Variants in HSBP1L1 observed in about 807,000 individuals in gnomAD.
The protein encoded by HSBP1L1 is heat shock factor binding protein 1 like 1.
HSBP1L1 carries 8 observed loss-of-function variants against 9.7 expected under a neutral mutation model. That is an observed-to-expected ratio of 0.82 (90% CI 0.48 to 1.48). The LOEUF (loss-of-function observed/expected upper bound fraction) is 1.48, where lower values mean the gene tolerates loss of function less well. HSBP1L1 is among the 40% of genes most tolerant of loss of function. The pLI is 0.00. For synonymous variants in HSBP1L1, 39 were observed against 34.4 expected (o/e 1.13, Z -0.46); for missense variants, 106 against 95.8 (o/e 1.11, Z -0.44).
Position 79,964,696 on chromosome 18 carries a change from C to T in HSBP1L1, c.-40C>T, listed in dbSNP as rs986781782. On this transcript the variant is annotated 5_prime_UTR_variant, in exon 1 of 4. Transcript: ENST00000451882. ...CCACCTCGCGCCGGGTCCGCGCGGC[C>T]CACGGGACCCCCCACTGACGCCCCC... The T allele has an allele frequency of 5.4e-6, 7 of 1,296,938 alleles. No individual in the cohort carries two copies. The highest frequency in any genetic ancestry group is 3.1e-5 in the African/African-American group (2 of 63,926). 80.3% of individuals were successfully genotyped at this position (1,296,938 alleles called of 1,614,324 possible).
At chr18:79,967,035 CT>C (rs2051261115) in intron 2 of HSBP1L1, 1 of 170,468 alleles carries the variant, frequency 5.9e-6, no homozygotes, top group Non-Finnish European at 1.3e-5. Flanking sequence ...GTAGTCCCAA[CT>C]ACTCAGGAGG....
At chr18:79,969,391 GAAA>G (rs755308930) in intron 3 of HSBP1L1, among the ~76,000 whole-genome samples, 22,458 of 91,364 alleles carry the variant, frequency 0.25, 4,036 homozygotes, top group Non-Finnish European at 0.28. Flanking sequence ...AAGAAAGAAA[GAAA>G]AAAAAACGAT....
intron 2 of HSBP1L1, chr18:79,966,953 C>A: frequency 3.2e-6 from 1 of 308,040 alleles, no homozygotes; most frequent in Non-Finnish European, 6.2e-6. Flanking sequence ...TGGAGACCAT[C>A]CTGGCTAACA....
chr18:79,965,909 G>T (rs1480420286), intron 1 of HSBP1L1, among the ~76,000 whole-genome samples: 1 of 152,088 alleles, frequency 6.6e-6, no homozygotes. Context: ...TTTATGGATG[G>T]GTTTATCCCA....
chr18:79,968,425 T>C (rs1274242330), intron 3 of HSBP1L1, among the ~76,000 whole-genome samples: 1 of 152,104 alleles, frequency 6.6e-6, no homozygotes. Flanking sequence ...CTCCCGGGTT[T>C]AAGCCATTCT....
At chr18:79,966,534 C>T in intron 1 of HSBP1L1, 78 bp from the exon 2 acceptor site, 1 of 1,050,350 alleles carries the variant, frequency 9.5e-7, no homozygotes, top group South Asian at 1.4e-5. Context: ...CAAAACAAGA[C>T]TTCATCTCAG....
Position 79,969,942 on chromosome 18 carries a change from T to C in HSBP1L1, c.214-498T>C, listed in dbSNP as rs114348546. On this transcript the variant is annotated intron_variant, in intron 3 of 3. Transcript: ENST00000451882. ...GTTTCTCTAGGGGACTTGGTTATTC[T>C]GTACCTAGGGGCTTGTCACCTGCAT... The C allele has an allele frequency of 4.8e-3, 765 of 159,126 alleles. 6 individuals carry two copies. Among genetic ancestry groups the C allele is most frequent in the African/African-American group, 0.017 (721 of 41,754 alleles). The allele number at this position is 159,126 out of a possible 1,614,324, so 9.9% of individuals were successfully genotyped here.
rs1045433862 is a variant in HSBP1L1 at position 79,964,764 on chromosome 18, G to A, written c.29G>A (p.Gly10Asp). ...GACGTGCGGGGCCCTGAAGCCCCCG[G>A]CGGGCGCGCGCTGCGGGACGCGGTG... MDVRGPEAP[G>D]GRALRDAAEN... Residue 10 changes from glycine (G) to aspartate (D), a missense_variant, in exon 1 of 4, where the codon GGC becomes GAC. Physicochemically the swap from Gly to Asp is moderately conservative, Grantham distance 94 (BLOSUM62 -1). Transcript: ENST00000451882. 2 of 1,409,072 alleles carry A rather than the reference G, an allele frequency of 1.4e-6. No individual in the cohort carries two copies. The highest frequency in any genetic ancestry group is 3.0e-5 in the African/African-American group (2 of 66,492). The allele number at this position is 1,409,072 out of a possible 1,614,324, so 87.3% of individuals were successfully genotyped here. A position where few individuals can be genotyped will look rare whatever the true frequency, so the allele number is the denominator to read the frequency against.
At chr18:79,969,349 A>G in intron 3 of HSBP1L1, among the ~76,000 whole-genome samples, 1 of 42,018 alleles carries the variant, frequency 2.4e-5, no homozygotes, top group African/African-American at 6.1e-5. Context: ...GAAAGAAAGA[A>G]AGAAAGAAAG....
intron 3 of HSBP1L1, among the ~76,000 whole-genome samples, chr18:79,968,882 T>A (rs186536503): frequency 6.6e-6 from 1 of 150,724 alleles, no homozygotes; most frequent in Non-Finnish European, 1.5e-5. Flanking sequence ...TTAGTAAAAA[T>A]AACAGAAAAA....
At chr18:79,969,451 C>A (rs1365776111) in intron 3 of HSBP1L1, among the ~76,000 whole-genome samples, 1 of 152,138 alleles carries the variant, frequency 6.6e-6, no homozygotes. Context: ...TGTGCCCACG[C>A]GGATGCTTCC....
In HSBP1L1 at chr18:79,968,082, A is replaced by G. The variant is rs375187352; in HGVS notation, c.119-7A>G. ...CCAGCTCTACGCAGAGCGCCTTAAC[A>G]CTGTACTGGAAGAAATGGGAAATCG... On this transcript the variant is annotated splice_polypyrimidine_tract_variant and splice_region_variant and intron_variant, in intron 2 of 3. Coordinates refer to ENST00000451882, the MANE Select transcript of HSBP1L1 (RefSeq NM_001136180.2). The G allele has an allele frequency of 1.6e-5, 25 of 1,536,896 alleles. No individual in the cohort carries two copies. In the African/African-American group the frequency reaches 3.2e-4, roughly 19 times the overall value.
At chr18:79,969,329 G>A (rs868467935) in intron 3 of HSBP1L1, among the ~76,000 whole-genome samples, 12 of 75,706 alleles carry the variant, frequency 1.6e-4, no homozygotes, top group South Asian at 5.6e-4. Flanking sequence ...AAGAAAGAAA[G>A]AAAAAGAAAG....
chr18:79,970,791 A>C lies in HSBP1L1; in HGVS notation c.*340A>C. 4.0e-6 allele frequency: 1 copy of C among 248,296 alleles called. No homozygotes were observed. The highest frequency in any genetic ancestry group is 7.9e-6 in the Non-Finnish European group (1 of 126,512). 15.4% of individuals were successfully genotyped at this position (248,296 alleles called of 1,614,324 possible). ...ACAATATGCAACACATTTACAATAA[A>C]TATACAATAAACTTACAAATGTGGA... On this transcript the variant is annotated 3_prime_UTR_variant, in exon 4 of 4. Coordinates refer to ENST00000451882, the MANE Select transcript of HSBP1L1 (RefSeq NM_001136180.2).
chr18:79,968,371 G>A (rs2051268302), intron 3 of HSBP1L1, among the ~76,000 whole-genome samples, 188 bp downstream of exon 3: 1 of 152,168 alleles, frequency 6.6e-6, no homozygotes, highest in Non-Finnish European at 1.5e-5. Context: ...CTGTCGCCCA[G>A]GCTGGAGTGC....
rs1286271644 is a variant in HSBP1L1, at chr18:79,964,757, GC to G, written c.27del (p.Gly10AlafsTer23). On this transcript the variant is annotated frameshift_variant, in exon 1 of 4. Coordinates refer to ENST00000451882, the MANE Select transcript of HSBP1L1 (RefSeq NM_001136180.2). LOFTEE classifies it high-confidence loss of function. MDVRGPE[A>X]PGGRALRDAA... ...CCACATGGACGTGCGGGGCCCTGAAGCCCCCGGCGGGCGCGCGCTGCGGGAC... is the reference window on the plus strand; with the variant it reads ...CCACATGGACGTGCGGGGCCCTGAAGCCCCGGCGGGCGCGCGCTGCGGGAC... 9 of 1,411,572 alleles carry G rather than the reference GC, an allele frequency of 6.4e-6. No homozygotes were observed. The highest frequency in any genetic ancestry group is 3.1e-5 in the East Asian group (1 of 32,392). 87.4% of individuals were successfully genotyped at this position (1,411,572 alleles called of 1,614,324 possible).
At chr18:79,969,009 T>G in intron 3 of HSBP1L1, among the ~76,000 whole-genome samples, 1 of 131,868 alleles carries the variant, frequency 7.6e-6, no homozygotes, top group Non-Finnish European at 1.6e-5. Context: ...TGAAAGCCCG[T>G]CTCTACTAAA....
At chr18:79,969,591 G>C (rs1421876209) in intron 3 of HSBP1L1, among the ~76,000 whole-genome samples, 1 of 152,156 alleles carries the variant, frequency 6.6e-6, no homozygotes, top group East Asian at 1.9e-4. Flanking sequence ...GTGGACTGAA[G>C]TCCTCATCCC....
At chr18:79,969,259 A>AGG (rs2051274900) in intron 3 of HSBP1L1, among the ~76,000 whole-genome samples, 1 of 20,346 alleles carries the variant, frequency 4.9e-5, no homozygotes, top group African/African-American at 1.7e-4. Flanking sequence ...GGAGAGAGAG[A>AGG]GAGGGAGGGA....
Sources: gnomAD v4.1 joint callset for allele counts (sites outside exome capture counted in the v4.1 genomes callset) on GRCh38, gnomAD v4.1.1 for gene constraint, MANE v1.5 for transcripts, NCBI Gene and HGNC (gene_info 2026-07-23, HGNC 2026-07-21) for gene names.